The following CCSER1 variants were observed in gnomAD, a reference collection of about 807,000 sequenced individuals.
The protein encoded by CCSER1 is coiled-coil serine rich protein 1.
In CCSER1, 41 loss-of-function variants were observed where a neutral mutation model predicts 82.0. The ratio of observed to expected loss-of-function variants is 0.50; its 90% CI spans 0.39 to 0.65. The LOEUF (loss-of-function observed/expected upper bound fraction) is 0.65, where lower values mean the gene tolerates loss of function less well. Among genes scored for constraint, CCSER1 ranks in the 30% least tolerant of loss-of-function variants. The pLI is 0.00. For synonymous variants in CCSER1, 414 were observed against 383.9 expected, an observed-to-expected ratio of 1.08 and a Z score of -0.92; for missense variants, 1,119 against 1,064.2, an observed-to-expected ratio of 1.05 and a Z score of -0.72.
In CCSER1 at chr4:91,535,544, G is replaced by A. The variant is rs377246925; in HGVS notation, c.2218-63028G>A. On this transcript the variant is annotated intron_variant, in intron 10 of 10. Transcript: ENST00000509176. ...CTGCTCAATGTCATTATTAGCAGTTGGATGTCTTTTGGGAACATGTGGTTA... is the reference window on the plus strand; with the variant it reads ...CTGCTCAATGTCATTATTAGCAGTTAGATGTCTTTTGGGAACATGTGGTTA... 3.9e-5 allele frequency among the ~76,000 whole-genome samples: 6 copies of A among 152,146 alleles called. 1 individual carries two copies.
intron 9 of CCSER1, among the ~76,000 whole-genome samples, chr4:90,932,653 TC>T (rs1729973108): frequency 6.6e-6 from 1 of 150,556 alleles, no homozygotes; most frequent in Non-Finnish European, 1.5e-5. Context: ...CATGGTGAAA[TC>T]CCTTCTCTAC....
intron 3 of CCSER1, among the ~76,000 whole-genome samples, chr4:90,322,217 A>G (rs1180957582): frequency 1.3e-5 from 2 of 152,144 alleles, no homozygotes; most frequent in South Asian, 2.1e-4. Context: ...GTTTTCCAGC[A>G]CCATTTATTG....
At chr4:90,404,617 C>T (rs1029342522) in intron 4 of CCSER1, among the ~76,000 whole-genome samples, 26 of 152,200 alleles carry the variant, frequency 1.7e-4, no homozygotes, top group African/African-American at 6.3e-4. Context: ...CCACTTCACT[C>T]CCCTGCTACC....
intron 4 of CCSER1, among the ~76,000 whole-genome samples, chr4:90,410,442 C>T (rs1754544995): frequency 6.6e-6 from 1 of 152,216 alleles, no homozygotes; most frequent in African/African-American, 2.4e-5. Context: ...TCTCCGACCA[C>T]AGTGCAATCC....
At chr4:91,213,901 C>T (rs1737033755) in intron 10 of CCSER1, among the ~76,000 whole-genome samples, 1 of 152,082 alleles carries the variant, frequency 6.6e-6, no homozygotes, top group Non-Finnish European at 1.5e-5. Context: ...ACTGTTATTA[C>T]TGTGCTTGTT....
At chr4:91,348,392 A>G (rs1748220179) in intron 10 of CCSER1, among the ~76,000 whole-genome samples, 1 of 151,994 alleles carries the variant, frequency 6.6e-6, no homozygotes, top group African/African-American at 2.4e-5. Flanking sequence ...TTCTTTTAGG[A>G]TTTATGCATC....
chr4:91,594,297 ATGT>A (rs1428950185), intron 10 of CCSER1, among the ~76,000 whole-genome samples: 2 of 150,084 alleles, frequency 1.3e-5, no homozygotes, highest in East Asian at 3.9e-4. Context: ...GTGTGTATAT[ATGT>A]ATATGTATAT....
At chr4:90,150,039 T>C (rs928310998) in intron 1 of CCSER1, among the ~76,000 whole-genome samples, 2 of 152,170 alleles carry the variant, frequency 1.3e-5, no homozygotes, top group Non-Finnish European at 2.9e-5. Flanking sequence ...TGTGGATTTT[T>C]GCAATAAGTA....
intron 1 of CCSER1, among the ~76,000 whole-genome samples, chr4:90,169,474 C>T (rs544342856): frequency 6.6e-6 from 1 of 152,186 alleles, no homozygotes. Context: ...TTATTTCCTT[C>T]TCCTGCCTAA....
chr4:90,431,391 G>A (rs985787127), intron 4 of CCSER1, among the ~76,000 whole-genome samples: 2 of 151,950 alleles, frequency 1.3e-5, no homozygotes, highest in East Asian at 3.9e-4. Context: ...TATAAATCCA[G>A]GAAAATTCCA....
intron 1 of CCSER1, among the ~76,000 whole-genome samples, chr4:90,276,877 T>A (rs376257194): frequency 1.3e-5 from 2 of 152,182 alleles, no homozygotes; most frequent in Non-Finnish European, 2.9e-5. Flanking sequence ...TAAATGAGAT[T>A]GTGTTCTTGA....
intron 5 of CCSER1, among the ~76,000 whole-genome samples, chr4:90,538,295 A>G (rs1775675299): frequency 6.6e-6 from 1 of 152,080 alleles, no homozygotes; most frequent in Non-Finnish European, 1.5e-5. Context: ...TATTCTCTAT[A>G]TAAGATATGC....
At chr4:90,133,914 T>G (rs918167442) in intron 1 of CCSER1, among the ~76,000 whole-genome samples, 2 of 152,220 alleles carry the variant, frequency 1.3e-5, no homozygotes, top group African/African-American at 4.8e-5. Context: ...TTCTTTGCCT[T>G]CATTCTGAGA....
intron 3 of CCSER1, among the ~76,000 whole-genome samples, chr4:90,336,119 G>A (rs1740345913): frequency 6.6e-6 from 1 of 151,884 alleles, no homozygotes; most frequent in Non-Finnish European, 1.5e-5. Flanking sequence ...TTTTTTTCTA[G>A]ACACTAGACC....
intron 5 of CCSER1, among the ~76,000 whole-genome samples, chr4:90,550,443 C>T (rs1439256575): frequency 6.6e-6 from 1 of 152,012 alleles, no homozygotes; most frequent in African/African-American, 2.4e-5. Context: ...TTTCATTTAG[C>T]CAAATATTTC....
At chr4:90,403,462 G>A (rs1753207217) in intron 4 of CCSER1, among the ~76,000 whole-genome samples, 1 of 129,264 alleles carries the variant, frequency 7.7e-6, no homozygotes, top group African/African-American at 3.1e-5. Context: ...TCCCGCCACT[G>A]CACTCCAGCC....
At chr4:91,222,190 T>C (rs901159823) in intron 10 of CCSER1, among the ~76,000 whole-genome samples, 3 of 151,132 alleles carry the variant, frequency 2.0e-5, no homozygotes, top group African/African-American at 7.3e-5. Context: ...GCACGGATTA[T>C]GCTCTGCAAG....
chr4:91,454,610 T>C (rs1363171449), intron 10 of CCSER1, among the ~76,000 whole-genome samples: 1 of 152,056 alleles, frequency 6.6e-6, no homozygotes, highest in Non-Finnish European at 1.5e-5. Context: ...TGAGGGGACA[T>C]TTTATTCAGC....
At chr4:91,560,716 T>C (rs1762616490) in intron 10 of CCSER1, among the ~76,000 whole-genome samples, 2 of 151,452 alleles carry the variant, frequency 1.3e-5, no homozygotes, top group South Asian at 2.1e-4. Context: ...TTATGGCAAA[T>C]TATTCACTCA....
Sources: allele counts gnomAD v4.1 joint callset (sites outside exome capture counted in the v4.1 genomes callset), GRCh38; gene constraint gnomAD v4.1.1; transcripts MANE v1.5; gene names NCBI Gene and HGNC (gene_info 2026-07-23, HGNC 2026-07-21).